SLC5A4: variants seen among roughly 807,000 people sequenced by gnomAD.
SLC5A4 encodes solute carrier family 5 member 4, also known as probable glucose sensor protein SLC5A4.
A neutral mutation model predicts 70.3 loss-of-function variants in SLC5A4; 55 were observed. The observed-to-expected ratio is 0.78, with a 90% CI of 0.63 to 0.98. SLC5A4 has a LOEUF of 0.98. Among genes scored for constraint, SLC5A4 ranks in the 50% least tolerant of loss-of-function variants. The pLI is 0.00. For missense variants in SLC5A4, 735 were observed against 839.2 expected (o/e 0.88, Z 1.53); for synonymous variants, 268 against 305.7 (o/e 0.88, Z 1.29).
the SLC5A4 span, among the ~76,000 whole-genome samples, chr22:32,295,550 A>G: frequency 2.9e-5 from 3 of 104,456 alleles, 1 homozygote; most frequent in Non-Finnish European, 4.1e-5. Flanking sequence ...TAGATTCTGG[A>G]TATTAGCCCT....
chr22:32,353,425 TG>T, the SLC5A4 span, among the ~76,000 whole-genome samples: 1 of 152,056 alleles, frequency 6.6e-6, no homozygotes, highest in Non-Finnish European at 1.5e-5. Context: ...GAACCACGGC[TG>T]GTCTAGGTGA....
the SLC5A4 span, among the ~76,000 whole-genome samples, chr22:32,351,133 G>A: frequency 6.6e-6 from 1 of 152,148 alleles, no homozygotes; most frequent in Non-Finnish European, 1.5e-5. Context: ...AATGGTGGCA[G>A]AGAAATAAAA....
intron 9 of SLC5A4, among the ~76,000 whole-genome samples, chr22:32,232,340 G>T (rs1925805730): frequency 6.6e-6 from 1 of 152,296 alleles, no homozygotes; most frequent in South Asian, 2.1e-4. Flanking sequence ...AATTAGCCAA[G>T]AAAGATTTGG....
At chr22:32,330,454 G>GGTGT in the SLC5A4 span, among the ~76,000 whole-genome samples, 832 of 84,564 alleles carry the variant, frequency 9.8e-3, 28 homozygotes, top group African/African-American at 0.031. Flanking sequence ...GAGGCTCTGG[G>GGTGT]GTGTGTGTGT....
the SLC5A4 span, among the ~76,000 whole-genome samples, chr22:32,348,343 G>A: frequency 6.6e-6 from 1 of 152,216 alleles, no homozygotes; most frequent in Non-Finnish European, 1.5e-5. Flanking sequence ...ACTCTCCTGT[G>A]TGTATCCATC....
the SLC5A4 span, among the ~76,000 whole-genome samples, chr22:32,331,278 C>T: frequency 6.6e-6 from 1 of 151,834 alleles, no homozygotes; most frequent in Non-Finnish European, 1.5e-5. Context: ...CTGGGAGAGC[C>T]TCTCCCTGGC....
chr22:32,305,477 G>GT, the SLC5A4 span, among the ~76,000 whole-genome samples: 33 of 149,022 alleles, frequency 2.2e-4, 6 homozygotes, highest in Non-Finnish European at 2.8e-4. Context: ...GAGAAAAACA[G>GT]TATTTGCCAC....
At chr22:32,230,270 C>T (rs117702119) in intron 10 of SLC5A4, among the ~76,000 whole-genome samples, 1 of 152,092 alleles carries the variant, frequency 6.6e-6, no homozygotes, top group Non-Finnish European at 1.5e-5. Context: ...GTAGCCAACC[C>T]TTGATGGAGT....
chr22:32,258,625 A>T (rs538413240), upstream of SLC5A4, among the ~76,000 whole-genome samples: 1 of 152,338 alleles, frequency 6.6e-6, no homozygotes, highest in East Asian at 1.9e-4. Context: ...ACCCTTGTAC[A>T]CTGTTGTTGA....
chr22:32,272,529 G>T, the SLC5A4 span: 1 of 671,018 alleles, frequency 1.5e-6, no homozygotes, highest in Non-Finnish European at 2.7e-6. Flanking sequence ...AAGACGCTGA[G>T]CCTCGTCATG....
chr22:32,347,012 AAAAC>A, the SLC5A4 span, among the ~76,000 whole-genome samples: 2 of 152,202 alleles, frequency 1.3e-5, no homozygotes, highest in African/African-American at 4.8e-5. Context: ...TTACAAGAAA[AAAAC>A]AAACAACCCC....
chr22:32,310,240 A>G, the SLC5A4 span, among the ~76,000 whole-genome samples: 3 of 152,124 alleles, frequency 2.0e-5, no homozygotes, highest in Admixed American at 2.0e-4. Flanking sequence ...GTAAGCACCT[A>G]TAGAGCATCA....
intron 9 of SLC5A4, among the ~76,000 whole-genome samples, chr22:32,232,346 T>G (rs1925806058): frequency 6.6e-6 from 1 of 152,116 alleles, no homozygotes. Flanking sequence ...CCAAGAAAGA[T>G]TTGGTTATAT....
chr22:32,251,938 A>G, intron 2 of SLC5A4, 64 bp from the exon 3 acceptor site: 2 of 1,227,536 alleles, frequency 1.6e-6, no homozygotes, highest in Admixed American at 3.4e-5. Context: ...TCTTGAAAAT[A>G]GACAGATGTA....
Position 32,224,268 on chromosome 22 carries a change from T to A in SLC5A4, c.1664A>T (p.His555Leu). 6.2e-7 allele frequency: 1 copy of A among 1,606,160 alleles called. No individual in the cohort carries two copies. The highest frequency in any genetic ancestry group is 2.2e-5 in the East Asian group (1 of 44,840). Residue 555 changes from histidine (H) to leucine (L), a missense_variant and splice_region_variant, in exon 13 of 15, where the codon CAT becomes CTT. His to Leu is a moderately conservative substitution (Grantham distance 99). Transcript: ENST00000266086. The part of the protein sequence containing the change: ...SLLTKPIPDV[H>L]LYRLCWVLRN... ...ATGTATTCATTACTCATCACTCACA[T>A]GTACATCAGGAATGGGTTTTGTTAA...
the SLC5A4 span, among the ~76,000 whole-genome samples, chr22:32,354,712 G>A: frequency 2.0e-5 from 3 of 152,094 alleles, no homozygotes; most frequent in East Asian, 2.0e-4. Flanking sequence ...TGGGCAGTGA[G>A]GCCCCAGATA....
chr22:32,290,373 T>C, the SLC5A4 span, among the ~76,000 whole-genome samples: 2 of 152,216 alleles, frequency 1.3e-5, no homozygotes, highest in Admixed American at 1.3e-4. Context: ...GTTTGTTTGC[T>C]GAGAACGATG....
chr22:32,251,925 AC>A (rs1282539783), intron 2 of SLC5A4, 51 bp from the exon 3 acceptor site: 1 of 1,363,462 alleles, frequency 7.3e-7, no homozygotes, highest in South Asian at 1.2e-5. Flanking sequence ...TCCAAATCAG[AC>A]TTCTTGAAAA....
At chr22:32,223,591 A>G (rs1210705682) in intron 13 of SLC5A4, among the ~76,000 whole-genome samples, 2 of 152,064 alleles carry the variant, frequency 1.3e-5, no homozygotes, top group South Asian at 2.1e-4. Flanking sequence ...TTCATGCTGT[A>G]TATGAAATCC....
Sources: allele counts gnomAD v4.1 joint callset (sites outside exome capture counted in the v4.1 genomes callset), GRCh38; gene constraint gnomAD v4.1.1; transcripts MANE v1.5; gene names NCBI Gene and HGNC (gene_info 2026-07-23, HGNC 2026-07-21).